CNMD: variants seen among roughly 807,000 people sequenced by gnomAD.
The protein encoded by CNMD is leukocyte cell-derived chemotaxin 1.
In CNMD, 30 loss-of-function variants were observed where a neutral mutation model predicts 37.5. The observed-to-expected ratio is 0.80, with a 90% CI of 0.60 to 1.09. CNMD has a LOEUF of 1.09. CNMD is among the 50% of genes least tolerant of loss of function. The pLI, the probability that CNMD is intolerant of heterozygous loss-of-function variation, is 0.00. For synonymous variants in CNMD, 167 were observed against 148.2 expected (o/e 1.13, Z -0.92); for missense variants, 398 against 423.9 (o/e 0.94, Z 0.54).
At chr13:52,710,171 T>C (rs1964268964) in intron 5 of CNMD, among the ~76,000 whole-genome samples, 1 of 152,232 alleles carries the variant, frequency 6.6e-6, no homozygotes, top group African/African-American at 2.4e-5. Context: ...TATCATGCTT[T>C]GTTATTTAGG....
At chr13:52,720,599 C>T (rs185973087) in intron 4 of CNMD, among the ~76,000 whole-genome samples, 106 of 152,288 alleles carry the variant, frequency 7.0e-4, no homozygotes, top group African/African-American at 2.5e-3. Context: ...GAGGTCCACT[C>T]CAGACCCTGT....
intron 2 of CNMD, among the ~76,000 whole-genome samples, chr13:52,733,853 C>T (rs1042866828): frequency 6.6e-6 from 1 of 152,222 alleles, no homozygotes; most frequent in African/African-American, 2.4e-5. Context: ...CTCAGTTTCA[C>T]AAGTTGTTTT....
At position 52,703,918 on chromosome 13, in the gene CNMD, T is replaced by G. The variant is rs1964132219; in HGVS notation, c.790-108A>C. 4.5e-6 allele frequency: 4 copies of G among 897,148 alleles called. No individual in the cohort carries two copies. In the South Asian group the frequency reaches 6.7e-5, roughly 15 times the overall value. 55.6% of individuals were successfully genotyped at this position (897,148 alleles called of 1,614,324 possible). A position where few individuals can be genotyped will look rare whatever the true frequency, so the allele number is the denominator to read the frequency against. ...AATTTTTCACTGCTACAGGAAGGTG[T>G]AATCTGTAAAGGGTTTGATCTTGTT... On this transcript the variant is annotated intron_variant, in intron 6 of 6. Transcript: ENST00000377962.
chr13:52,726,883 A>T (rs1964582572), intron 3 of CNMD, among the ~76,000 whole-genome samples: 1 of 152,224 alleles, frequency 6.6e-6, no homozygotes, highest in Non-Finnish European at 1.5e-5. Context: ...GAGAAATTTA[A>T]TAAGGAGATG....
intron 3 of CNMD, among the ~76,000 whole-genome samples, chr13:52,728,144 T>G (rs971879931): frequency 6.6e-6 from 1 of 152,082 alleles, no homozygotes; most frequent in Non-Finnish European, 1.5e-5. Context: ...TCCCAGCACT[T>G]TGGGAGGCCG....
At chr13:52,732,886 T>C (rs1476473951) in intron 3 of CNMD, among the ~76,000 whole-genome samples, 2 of 152,234 alleles carry the variant, frequency 1.3e-5, no homozygotes, top group Non-Finnish European at 2.9e-5. Flanking sequence ...AAGTTTTATT[T>C]TGATTTCTAG....
intron 2 of CNMD, among the ~76,000 whole-genome samples, chr13:52,735,548 GA>G (rs1964742892): frequency 6.6e-6 from 1 of 152,008 alleles, no homozygotes; most frequent in African/African-American, 2.4e-5. Flanking sequence ...CTTCTCCCCA[GA>G]AAGCCTCCCT....
intron 2 of CNMD, among the ~76,000 whole-genome samples, chr13:52,737,251 G>A (rs932354447): frequency 2.0e-5 from 3 of 152,142 alleles, no homozygotes; most frequent in Non-Finnish European, 4.4e-5. Flanking sequence ...CCTAGGTGGT[G>A]CAAAAATTAC....
chr13:52,711,110 A>C (rs1964283356), intron 5 of CNMD, among the ~76,000 whole-genome samples: 1 of 152,172 alleles, frequency 6.6e-6, no homozygotes, highest in Non-Finnish European at 1.5e-5. Context: ...TGTTCTATTC[A>C]CGGATGCACC....
At chr13:52,721,426 C>CA (rs1397720128) in intron 4 of CNMD, among the ~76,000 whole-genome samples, 2 of 152,200 alleles carry the variant, frequency 1.3e-5, no homozygotes, top group Non-Finnish European at 2.9e-5. Flanking sequence ...GTGGTGTAGG[C>CA]ACCCAAGGGA....
chr13:52,730,471 C>T (rs1211373161), intron 3 of CNMD, among the ~76,000 whole-genome samples: 2 of 151,912 alleles, frequency 1.3e-5, no homozygotes, highest in African/African-American at 4.8e-5. Flanking sequence ...TCTCCACATC[C>T]TCTCCAGCAC....
chr13:52,733,113 A>T (rs1213014932), intron 3 of CNMD, 106 bp downstream of exon 3: 1 of 1,111,358 alleles, frequency 9.0e-7, no homozygotes, highest in Admixed American at 1.7e-5. Flanking sequence ...TGCTATAAAG[A>T]ACAGTTACCA....
chr13:52,709,641 C>T (rs1964260316), intron 5 of CNMD, among the ~76,000 whole-genome samples: 1 of 151,980 alleles, frequency 6.6e-6, no homozygotes, highest in Non-Finnish European at 1.5e-5. Context: ...TACCACATAG[C>T]CTCATGGGCC....
chr13:52,712,503 T>C (rs755732483), intron 5 of CNMD, among the ~76,000 whole-genome samples: 11 of 152,180 alleles, frequency 7.2e-5, no homozygotes, highest in Non-Finnish European at 1.3e-4. Flanking sequence ...ATCTGCCTCC[T>C]GTTAACCCTA....
intron 2 of CNMD, among the ~76,000 whole-genome samples, chr13:52,736,044 A>T (rs559009292): frequency 6.9e-6 from 1 of 144,066 alleles, no homozygotes; most frequent in East Asian, 2.1e-4. Context: ...CCCAGGCTGG[A>T]GTGCAGTGGC....
chr13:52,728,720 C>T (rs545053171), intron 3 of CNMD, among the ~76,000 whole-genome samples: 3 of 152,232 alleles, frequency 2.0e-5, no homozygotes, highest in Non-Finnish European at 2.9e-5. Context: ...CACACATCTC[C>T]GTCACCATAT....
rs189638785 is a variant in CNMD at position 52,724,663 on chromosome 13, G to A, written c.355-553C>T. Among the ~76,000 whole-genome samples, 428 of 152,238 alleles carry A rather than the reference G, an allele frequency of 2.8e-3. 3 individuals are homozygous for A. The highest frequency in any genetic ancestry group is 9.8e-3 in the African/African-American group (405 of 41,526). On this transcript the variant is annotated intron_variant, in intron 3 of 6. Coordinates refer to ENST00000377962, the MANE Select transcript of CNMD (RefSeq NM_007015.3). ...TATGCCACCAGAACTTTGGGAGGCC[G>A]ACGCGGGCAGATCACCTGAGGTCGG... is the stretch of plus-strand genomic sequence containing the variant.
rs540079844 is a variant in CNMD, at chr13:52,708,456, C to A, written c.789+80G>T. The A allele has an allele frequency of 4.4e-3, 5,813 of 1,325,264 alleles. 13 individuals are homozygous for A. Among genetic ancestry groups the A allele is most frequent in the Non-Finnish European group, 5.5e-3 (5,275 of 964,972 alleles). 82.1% of individuals were successfully genotyped at this position (1,325,264 alleles called of 1,614,324 possible). On this transcript the variant is annotated intron_variant, in intron 6 of 6. Transcript: ENST00000377962. ...CCTGCCTCCCAAAGTGCTAGGATTA[C>A]AGGCGTAAGCCACCACGCCCGGCCT...
intron 3 of CNMD, among the ~76,000 whole-genome samples, chr13:52,727,908 T>C (rs1243760687): frequency 6.6e-6 from 1 of 152,128 alleles, no homozygotes; most frequent in Non-Finnish European, 1.5e-5. Flanking sequence ...GGGGTGACTA[T>C]AGTTAGCAAC....
Sources: allele counts gnomAD v4.1 joint callset (sites outside exome capture counted in the v4.1 genomes callset), GRCh38; gene constraint gnomAD v4.1.1; transcripts MANE v1.5; gene names NCBI Gene and HGNC (gene_info 2026-07-23, HGNC 2026-07-21).